The following HOOK3 variants were observed in gnomAD, a reference collection of about 807,000 sequenced individuals.
The protein encoded by HOOK3 is hook microtubule tethering protein 3, also known as protein Hook homolog 3.
Under a neutral mutation model 116.3 loss-of-function variants are expected in HOOK3, and 24 were observed. That is an observed-to-expected ratio of 0.21 (90% CI 0.15 to 0.29). The LOEUF (loss-of-function observed/expected upper bound fraction) is 0.29, where lower values mean the gene tolerates loss of function less well. HOOK3 is among the 10% of genes least tolerant of loss of function. The pLI is 1.00. For synonymous variants in HOOK3, 275 were observed against 283.0 expected (o/e 0.97, Z 0.28); for missense variants, 632 against 830.2 (o/e 0.76, Z 2.93).
chr8:42,992,079 G>C (rs1809172507), intron 15 of HOOK3, among the ~76,000 whole-genome samples: 1 of 151,932 alleles, frequency 6.6e-6, no homozygotes, highest in Non-Finnish European at 1.5e-5. Context: ...TTCTTTTTCA[G>C]ATTGTTTGCT....
intron 4 of HOOK3, among the ~76,000 whole-genome samples, chr8:42,933,308 G>A (rs970503875): frequency 6.6e-6 from 1 of 152,192 alleles, no homozygotes; most frequent in Non-Finnish European, 1.5e-5. Context: ...AAATGTGTAT[G>A]TAGGTCCACA....
At chr8:42,907,067 A>T (rs1271030476) in intron 2 of HOOK3, among the ~76,000 whole-genome samples, 1 of 152,204 alleles carries the variant, frequency 6.6e-6, no homozygotes. Flanking sequence ...TGACCTAGGA[A>T]TTTTTTAAAA....
chr8:42,923,179 G>A (rs951524415), intron 2 of HOOK3, among the ~76,000 whole-genome samples: 1 of 152,208 alleles, frequency 6.6e-6, no homozygotes, highest in African/African-American at 2.4e-5. Context: ...ACAACCACTA[G>A]GAGGGCTATA....
At chr8:42,964,022 A>G (rs965876028) in intron 8 of HOOK3, among the ~76,000 whole-genome samples, 2 of 152,168 alleles carry the variant, frequency 1.3e-5, no homozygotes, top group Non-Finnish European at 2.9e-5. Context: ...TCTGGCTAAC[A>G]TGGTGAAACC....
intron 17 of HOOK3, 123 bp from the exon 18 acceptor site, chr8:43,007,724 A>G (rs1175010213): frequency 8.5e-6 from 4 of 470,660 alleles, no homozygotes; most frequent in East Asian, 3.3e-5. Context: ...GTCTTTTCAT[A>G]TATGTTTCAT....
intron 13 of HOOK3, among the ~76,000 whole-genome samples, chr8:42,976,553 A>G (rs1043180631): frequency 3.9e-5 from 6 of 152,072 alleles, no homozygotes; most frequent in Admixed American, 1.3e-4. Flanking sequence ...GACAGAAACA[A>G]AGACTTAATT....
intron 11 of HOOK3, among the ~76,000 whole-genome samples, chr8:42,971,030 T>G (rs569981827): frequency 6.6e-6 from 1 of 152,176 alleles, no homozygotes; most frequent in African/African-American, 2.4e-5. Flanking sequence ...CAAGACATCC[T>G]CCTGCCTCGG....
At chr8:42,973,259 T>C (rs1222077787) in intron 11 of HOOK3, 30 bp from the exon 12 acceptor site, 1 of 1,581,780 alleles carries the variant, frequency 6.3e-7, no homozygotes, top group Non-Finnish European at 8.6e-7. Flanking sequence ...TCTCAGATTA[T>C]GTATAAGTAA....
At chr8:42,952,025 C>T (rs915369688) in intron 6 of HOOK3, among the ~76,000 whole-genome samples, 1 of 152,102 alleles carries the variant, frequency 6.6e-6, no homozygotes, top group African/African-American at 2.4e-5. Flanking sequence ...AAAAATCTTG[C>T]AATGACTTCT....
chr8:42,909,622 C>G (rs1180753608), intron 2 of HOOK3, among the ~76,000 whole-genome samples: 1 of 152,082 alleles, frequency 6.6e-6, no homozygotes, highest in African/African-American at 2.4e-5. Context: ...ACGCACACAC[C>G]CAGCCTTTTT....
chr8:42,946,643 A>G (rs1000516914), intron 5 of HOOK3, among the ~76,000 whole-genome samples: 1 of 151,918 alleles, frequency 6.6e-6, no homozygotes, highest in African/African-American at 2.4e-5. Context: ...GTTTAATAAT[A>G]GCATTATTTT....
At position 42,939,098 on chromosome 8, in the gene HOOK3, A is replaced by T. The variant is rs539185062; in HGVS notation, c.268-4215A>T. Among the ~76,000 whole-genome samples the T allele has an allele frequency of 8.7e-4, 133 of 152,338 alleles. 4 individuals carry two copies. The South Asian group carries it at 0.027, about 31-fold the overall frequency. On this transcript the variant is annotated intron_variant, in intron 4 of 21. Transcript: ENST00000307602. ...TTTCTTAGTACAGAACAAAATGAAAAGTCTCCCATGTCTACCTCTTTCTAC... is the reference window on the plus strand; with the variant it reads ...TTTCTTAGTACAGAACAAAATGAAATGTCTCCCATGTCTACCTCTTTCTAC...
chr8:42,928,998 C>T (rs576532891), intron 3 of HOOK3, among the ~76,000 whole-genome samples: 39 of 152,194 alleles, frequency 2.6e-4, no homozygotes, highest in African/African-American at 8.4e-4. Flanking sequence ...GCCAAGATTG[C>T]GCCATTGCAC....
At chr8:42,976,423 T>C (rs946425189) in intron 13 of HOOK3, among the ~76,000 whole-genome samples, 3 of 152,042 alleles carry the variant, frequency 2.0e-5, no homozygotes, top group African/African-American at 7.2e-5. Flanking sequence ...GGCAGAAGGA[T>C]GACTTGAGCC....
Position 43,013,326 on chromosome 8 carries a change from T to A in HOOK3, c.1945-3T>A, listed in dbSNP as rs759907630. 2.7e-6 allele frequency: 4 copies of A among 1,469,884 alleles called. No individual in the cohort carries two copies. The highest frequency in any genetic ancestry group is 3.7e-6 in the Non-Finnish European group (4 of 1,086,806). The allele number at this position is 1,469,884 out of a possible 1,614,324, so 91.1% of individuals were successfully genotyped here. On this transcript the variant is annotated splice_polypyrimidine_tract_variant and splice_region_variant and intron_variant, in intron 20 of 21. Coordinates refer to ENST00000307602, the MANE Select transcript of HOOK3 (RefSeq NM_032410.4). ...ATTTACATGTGCTTTTTTTTTTTTTTAGAAAGAATATGAGAAAACAAAGAG... is the reference window on the plus strand; with the variant it reads ...ATTTACATGTGCTTTTTTTTTTTTTAAGAAAGAATATGAGAAAACAAAGAG...
intron 8 of HOOK3, among the ~76,000 whole-genome samples, chr8:42,962,119 G>A (rs540237368): frequency 2.4e-4 from 37 of 152,080 alleles, no homozygotes; most frequent in African/African-American, 8.0e-4. Flanking sequence ...GGGTCATGCT[G>A]TGTCATTTAG....
intron 21 of HOOK3, among the ~76,000 whole-genome samples, chr8:43,015,069 C>G (rs1486335202): frequency 6.6e-6 from 1 of 152,024 alleles, no homozygotes; most frequent in African/African-American, 2.4e-5. Flanking sequence ...ATCGCTTAAA[C>G]CCGGGAGGCG....
At chr8:42,921,217 AG>A (rs2130350424) in intron 2 of HOOK3, among the ~76,000 whole-genome samples, 1 of 151,592 alleles carries the variant, frequency 6.6e-6, no homozygotes, top group Non-Finnish European at 1.5e-5. Context: ...TAAATCTTTC[AG>A]CTGAATGAAA....
chr8:42,915,534 C>T (rs911823531), intron 2 of HOOK3, among the ~76,000 whole-genome samples: 4 of 152,112 alleles, frequency 2.6e-5, no homozygotes, highest in Admixed American at 6.5e-5. Context: ...CAGGTTCAAG[C>T]GATTCTCCTG....
Sources: allele counts gnomAD v4.1 joint callset (sites outside exome capture counted in the v4.1 genomes callset), GRCh38; gene constraint gnomAD v4.1.1; transcripts MANE v1.5; gene names NCBI Gene and HGNC (gene_info 2026-07-23, HGNC 2026-07-21).